Variants in TIPIN observed in about 807,000 individuals in gnomAD.
TIPIN encodes TIMELESS interacting protein, also known as TIMELESS-interacting protein.
TIPIN carries 29 observed loss-of-function variants against 35.6 expected under a neutral mutation model. The observed-to-expected ratio is 0.82, with a 90% CI of 0.61 to 1.11. The LOEUF is 1.11. Ranked by LOEUF, TIPIN falls within the 50% of genes most tolerant of loss-of-function variation. The pLI is 0.00. For synonymous variants in TIPIN, 102 were observed against 121.5 expected, an observed-to-expected ratio of 0.84 and a Z score of 1.06; for missense variants, 296 against 345.4, an observed-to-expected ratio of 0.86 and a Z score of 1.13.
At chr15:66,372,377 C>T (rs1056518214) in intron 1 of TIPIN, among the ~76,000 whole-genome samples, 16 of 152,208 alleles carry the variant, frequency 1.1e-4, no homozygotes, top group Non-Finnish European at 8.8e-5. Flanking sequence ...GTGAGATTTA[C>T]GCATATTGTT....
intron 2 of TIPIN, 93 bp downstream of exon 2, chr15:66,352,722 C>A: frequency 7.4e-7 from 1 of 1,354,960 alleles, no homozygotes; most frequent in Non-Finnish European, 9.8e-7. Context: ...ACCTTGTGAT[C>A]CGCCCGCCTC....
chr15:66,377,159 G>A (rs1463549347), intron 1 of TIPIN, among the ~76,000 whole-genome samples: 2 of 150,456 alleles, frequency 1.3e-5, no homozygotes, highest in African/African-American at 4.9e-5. Context: ...CAGCAATAGT[G>A]TATGAGAATG....
rs747775116 is a variant in TIPIN at position 66,337,074 on chromosome 15, A to G, written c.790T>C (p.Cys264Arg). The change falls in exon 8 of 8, where the codon TGT becomes CGT. Residue 264 changes from cysteine (C) to arginine (R), a missense_variant. By Grantham distance (180) the Cys-to-Arg change is radical. Transcript: ENST00000261881. ...GLNEDILDNP[C>R]NDAIANTLNE... ...AAAGTATTGGCAATAGCATCATTAC[A>G]TGGATTGTCCAGAATGTCTTCGTTT... The G allele has an allele frequency of 8.1e-6, 13 of 1,614,144 alleles. No homozygotes were observed. Among genetic ancestry groups the G allele is most frequent in the Non-Finnish European group, 1.0e-5 (12 of 1,180,026 alleles).
Position 66,371,206 on chromosome 15 carries a change from C to CAAA in TIPIN, c.-9+15398_-9+15400dup, listed in dbSNP as rs200596294. On this transcript the variant is annotated intron_variant, in intron 1 of 7. Coordinates refer to the TIPIN transcript ENST00000562124. ...AGGCTGGGCAACAGAGGGAAACTCT[C>CAAA]AAAAAAAAAAAAAAAGTGTAAGTGT... 3,354 of 877,468 alleles carry CAAA rather than the reference C, an allele frequency of 3.8e-3. 1 individual carries two copies. Among genetic ancestry groups the CAAA allele is most frequent in the East Asian group, 0.016 (123 of 7,636 alleles). 54.4% of individuals were successfully genotyped at this position (877,468 alleles called of 1,614,324 possible).
At chr15:66,363,361 A>C (rs1293643755) in intron 1 of TIPIN, among the ~76,000 whole-genome samples, 1 of 151,500 alleles carries the variant, frequency 6.6e-6, no homozygotes, top group Non-Finnish European at 1.5e-5. Flanking sequence ...TACAAAAATT[A>C]GGCCGGGCAC....
intron 1 of TIPIN, among the ~76,000 whole-genome samples, chr15:66,353,460 C>CA (rs1467233265): frequency 6.6e-6 from 1 of 151,242 alleles, no homozygotes; most frequent in African/African-American, 2.4e-5. Flanking sequence ...ACTAAAAATA[C>CA]AAAAAATTAT....
intron 1 of TIPIN, among the ~76,000 whole-genome samples, chr15:66,375,788 T>A (rs902612313): frequency 2.1e-5 from 2 of 96,270 alleles, no homozygotes; most frequent in African/African-American, 6.1e-5. Flanking sequence ...TTACGGAAAT[T>A]TTCTTTCATA....
rs2093044403 is a variant in TIPIN at position 66,336,262 on chromosome 15, A to T, written c.*696T>A. The T allele has an allele frequency of 6.6e-6, 1 of 152,258 alleles. No homozygotes were observed. The highest frequency in any genetic ancestry group is 2.1e-4 in the South Asian group (1 of 4,826). The allele number at this position is 152,258 out of a possible 1,614,324, so 9.4% of individuals were successfully genotyped here. On this transcript the variant is annotated 3_prime_UTR_variant, in exon 8 of 8. Transcript: ENST00000261881. The stretch of plus-strand genomic sequence containing the variant: ...ATTCAGTATATATGTACATCTCAAA[A>T]CTTCACCCAGGCTGGGCGCGGTGGC...
At chr15:66,351,412 C>A (rs1290847946) in intron 4 of TIPIN, 113 bp downstream of exon 4, 2 of 770,974 alleles carry the variant, frequency 2.6e-6, no homozygotes, top group Admixed American at 2.6e-5. Context: ...TCAAGACATA[C>A]GACGACTAAG....
In TIPIN at chr15:66,347,222, C is replaced by T. The variant is rs753798889; in HGVS notation, c.475+1838G>A. Reference sequence around the variant, plus strand: ...CAAAAACAAACATGTATGGAGCCATCGCACAGAAAATCTGATAACTATACA... The same window carrying T: ...CAAAAACAAACATGTATGGAGCCATTGCACAGAAAATCTGATAACTATACA... On this transcript the variant is annotated intron_variant, in intron 6 of 7. Transcript: ENST00000261881. 1.7e-5 allele frequency: 9 copies of T among 516,774 alleles called. No individual in the cohort carries two copies. In the East Asian group the frequency reaches 2.2e-4, roughly 13 times the overall value. The allele number at this position is 516,774 out of a possible 1,614,324, so 32.0% of individuals were successfully genotyped here.
At chr15:66,358,002 A>G (rs906523548), upstream of TIPIN, among the ~76,000 whole-genome samples, 3 of 152,174 alleles carry the variant, frequency 2.0e-5, no homozygotes, top group Non-Finnish European at 2.9e-5. Context: ...TCATGCCTGT[A>G]ATCTTAGCAC....
chr15:66,369,069 C>G (rs2093268347), intron 1 of TIPIN, among the ~76,000 whole-genome samples: 1 of 152,144 alleles, frequency 6.6e-6, no homozygotes, highest in Non-Finnish European at 1.5e-5. Context: ...GTCTCCCACT[C>G]TTTAAATGCA....
At position 66,369,375 on chromosome 15, in the gene TIPIN, GAC is replaced by G. The variant is rs1356889092; in HGVS notation, c.-8-16422_-8-16421del. Among the ~76,000 whole-genome samples the G allele has an allele frequency of 6.7e-3, 346 of 51,676 alleles. 1 individual carries two copies. Among genetic ancestry groups the G allele is most frequent in the African/African-American group, 0.024 (333 of 13,738 alleles). The allele number at this position is 51,676 out of a possible 152,430, so 33.9% of individuals were successfully genotyped here. ...TATCTTTTTTTTTTTTTTTTTTTGA[GAC>G]AGAGTCTCGCTCTGTCGCCCAGGCT... is the stretch of plus-strand genomic sequence containing the variant. On this transcript the variant is annotated intron_variant, in intron 1 of 7. Transcript: ENST00000562124.
chr15:66,363,366 G>A lies in TIPIN; in HGVS notation c.-8-10411C>T, dbSNP rs951859862. On this transcript the variant is annotated intron_variant, in intron 1 of 7. Coordinates refer to the TIPIN transcript ENST00000562124. ...CTACTAAAAATACAAAAATTAGGCC[G>A]GGCACGGTGGCTCACATCTATGATC... 6.6e-5 allele frequency among the ~76,000 whole-genome samples: 10 copies of A among 151,932 alleles called. No homozygotes were observed. In the South Asian group the frequency reaches 1.5e-3, roughly 22 times the overall value.
At chr15:66,338,832 A>AAG (rs1196397177) in intron 7 of TIPIN, among the ~76,000 whole-genome samples, 1 of 146,366 alleles carries the variant, frequency 6.8e-6, no homozygotes, top group East Asian at 2.0e-4. Flanking sequence ...AAAAAAAAAA[A>AAG]AAAGGAAAAA....
intron 1 of TIPIN, among the ~76,000 whole-genome samples, chr15:66,384,325 T>C (rs1009206980): frequency 1.3e-5 from 2 of 151,556 alleles, no homozygotes; most frequent in Non-Finnish European, 2.9e-5. Flanking sequence ...GACAGAGTCT[T>C]GCTCTGTTGC....
chr15:66,342,865 C>T (rs1351057778), intron 6 of TIPIN, among the ~76,000 whole-genome samples: 4 of 152,114 alleles, frequency 2.6e-5, no homozygotes, highest in African/African-American at 9.7e-5. Flanking sequence ...CAACATGATC[C>T]ACAGTGGTAT....
chr15:66,347,970 A>G (rs572304446), intron 6 of TIPIN, among the ~76,000 whole-genome samples: 3 of 151,676 alleles, frequency 2.0e-5, no homozygotes, highest in African/African-American at 7.3e-5. Flanking sequence ...ATCTGGTCCT[A>G]TAATACTGCC....
rs2093206113 is a variant in TIPIN at position 66,356,659 on chromosome 15, C to T, written c.-29G>A. The T allele has an allele frequency of 6.1e-6, 6 of 985,682 alleles. No homozygotes were observed. Among genetic ancestry groups the T allele is most frequent in the Non-Finnish European group, 7.2e-6 (6 of 830,216 alleles). 61.1% of individuals were successfully genotyped at this position (985,682 alleles called of 1,614,324 possible). A position where few individuals can be genotyped will look rare whatever the true frequency, so the allele number is the denominator to read the frequency against. ...CTCACCTCACGCAGAAAACACGGGACACAGCGCGGACCTCGGCGTGCAGAC... is the reference window on the plus strand; with the variant it reads ...CTCACCTCACGCAGAAAACACGGGATACAGCGCGGACCTCGGCGTGCAGAC... On this transcript the variant is annotated 5_prime_UTR_variant, in exon 1 of 8. Transcript: ENST00000261881.
Sources: allele counts gnomAD v4.1 joint callset (sites outside exome capture counted in the v4.1 genomes callset), GRCh38; gene constraint gnomAD v4.1.1; transcripts MANE v1.5; gene names NCBI Gene and HGNC (gene_info 2026-07-23, HGNC 2026-07-21).